Variants in BANK1 observed in about 807,000 individuals in gnomAD.
The protein encoded by BANK1 is B-cell scaffold protein with ankyrin repeats.
In BANK1, 95 loss-of-function variants were observed where a neutral mutation model predicts 94.5. That is an observed-to-expected ratio of 1.00 (90% CI 0.85 to 1.19). The LOEUF (loss-of-function observed/expected upper bound fraction) is 1.19. BANK1 is among the 50% of genes most tolerant of loss of function. The probability of loss-of-function intolerance (pLI) is 0.00; values close to 1 mark genes in which losing one functional copy is unlikely to be tolerated. For missense variants in BANK1, 987 were observed against 932.2 expected (o/e 1.06, Z -0.77); for synonymous variants, 334 against 308.4 (o/e 1.08, Z -0.87).
chr4:102,009,607 G>GT (rs1471207938), intron 7 of BANK1, among the ~76,000 whole-genome samples: 2 of 151,972 alleles, frequency 1.3e-5, no homozygotes, highest in Non-Finnish European at 1.5e-5. Context: ...TTTCCTTATT[G>GT]TTTGGCCACT....
rs758665686 is a variant in BANK1 at position 101,862,663 on chromosome 4, A to G, written c.762A>G (p.Leu254=). 16 of 1,598,048 alleles carry G rather than the reference A, an allele frequency of 1.0e-5. No individual in the cohort carries two copies. The Admixed American group carries it at 2.7e-4, about 27-fold the overall frequency. Reference sequence around the variant, plus strand: ...AGAAAGTCTGGTGCATGAAAGCTTTAGGTAAGAATGTTTATGATTTAATAA... The same window carrying G: ...AGAAAGTCTGGTGCATGAAAGCTTTGGGTAAGAATGTTTATGATTTAATAA... The part of the protein sequence containing the change: ...WNKKVWCMKA[L]EFPAGSVHVN... Residue 254 remains leucine (L), a splice_region_variant and synonymous_variant, in exon 4 of 17, where the codon TTA becomes TTG. Transcript: ENST00000322953.
intron 10 of BANK1, among the ~76,000 whole-genome samples, chr4:102,035,444 T>C (rs935376575): frequency 1.3e-5 from 2 of 151,788 alleles, no homozygotes; most frequent in Non-Finnish European, 2.9e-5. Context: ...GTCAGGAGAG[T>C]GAGACCATCC....
At chr4:102,026,862 TTGAAGGCTCTCTA>T (rs1727124178) in intron 9 of BANK1, among the ~76,000 whole-genome samples, 1 of 151,452 alleles carries the variant, frequency 6.6e-6, no homozygotes, top group African/African-American at 2.4e-5. Flanking sequence ...ATTTGTGTCA[TTGAAGGCTCTCTA>T]TGAAGACCCA....
At chr4:102,029,462 A>G (rs1727211523) in intron 9 of BANK1, among the ~76,000 whole-genome samples, 1 of 150,862 alleles carries the variant, frequency 6.6e-6, no homozygotes, top group Non-Finnish European at 1.5e-5. Flanking sequence ...AGTTTCAGAC[A>G]TAGATTTATA....
chr4:101,850,032 G>A lies in BANK1; in HGVS notation c.470-5003G>A, dbSNP rs145546073. ...ACAGTTTCTCACTCACAGAATATAA[G>A]AGCTGTCTACAAATAGTTTTAAATG... On this transcript the variant is annotated intron_variant, in intron 2 of 16. Coordinates refer to ENST00000322953, the MANE Select transcript of BANK1 (RefSeq NM_017935.5). Among the ~76,000 whole-genome samples, 622 of 152,278 alleles carry A rather than the reference G, an allele frequency of 4.1e-3. 4 individuals are homozygous for A. Among genetic ancestry groups the A allele is most frequent in the African/African-American group, 0.014 (564 of 41,564 alleles).
At chr4:101,958,899 TAGATGATCA>T (rs1724465534) in intron 7 of BANK1, among the ~76,000 whole-genome samples, 1 of 152,172 alleles carries the variant, frequency 6.6e-6, no homozygotes, top group African/African-American at 2.4e-5. Context: ...GCTGAGAATA[TAGATGATCA>T]AGTATTTGAG....
chr4:101,967,451 C>T (rs542956734), intron 7 of BANK1, among the ~76,000 whole-genome samples: 1 of 151,896 alleles, frequency 6.6e-6, no homozygotes, highest in Admixed American at 6.6e-5. Flanking sequence ...AGGTACAGAG[C>T]AGCACATAAA....
intron 11 of BANK1, among the ~76,000 whole-genome samples, chr4:102,056,105 T>C (rs887543589): frequency 2.6e-5 from 4 of 152,216 alleles, no homozygotes; most frequent in Non-Finnish European, 4.4e-5. Flanking sequence ...AAAGCTTGTG[T>C]ACTTATTTGA....
chr4:101,986,843 GTGTATATATA>G, intron 7 of BANK1, among the ~76,000 whole-genome samples: 1 of 50,940 alleles, frequency 2.0e-5, no homozygotes, highest in East Asian at 4.5e-4. Context: ...GTATATATAT[GTGTATATATA>G]TGTATATATA....
chr4:101,934,949 G>A (rs1355459347), intron 7 of BANK1, among the ~76,000 whole-genome samples: 1 of 151,378 alleles, frequency 6.6e-6, no homozygotes, highest in Non-Finnish European at 1.5e-5. Flanking sequence ...TCTTCATGAG[G>A]TCTCCTCTGA....
chr4:101,852,907 A>T (rs558397747), intron 2 of BANK1, among the ~76,000 whole-genome samples: 4 of 152,144 alleles, frequency 2.6e-5, no homozygotes, highest in Non-Finnish European at 4.4e-5. Flanking sequence ...AATCCTGGAT[A>T]CTGCCATGGT....
At chr4:101,796,113 CAGTT>C (rs1375725869) in intron 1 of BANK1, among the ~76,000 whole-genome samples, 4 of 152,270 alleles carry the variant, frequency 2.6e-5, no homozygotes, top group East Asian at 1.9e-4. Context: ...TTTAAGATGA[CAGTT>C]AGTTGCCTCA....
intron 2 of BANK1, among the ~76,000 whole-genome samples, chr4:101,847,762 CACACACACACACAT>C (rs1163224408): frequency 6.7e-6 from 1 of 148,408 alleles, no homozygotes; most frequent in Admixed American, 6.7e-5. Flanking sequence ...CACACACACA[CACACACACACACAT>C]ATGTCTCACA....
rs148623980 is a variant in BANK1 at position 101,873,147 on chromosome 4, G to A, written c.903+2503G>A. On this transcript the variant is annotated intron_variant, in intron 5 of 16. Coordinates refer to ENST00000322953, the MANE Select transcript of BANK1 (RefSeq NM_017935.5). ...TTTAAGAAATGTGAATATTTTGCCC[G>A]TGGTTCACTCTGAACATCTGTATTG... is the stretch of plus-strand genomic sequence containing the variant. Among the ~76,000 whole-genome samples, 77 of 151,998 alleles carry A rather than the reference G, an allele frequency of 5.1e-4. 1 individual carries two copies. The highest frequency in any genetic ancestry group is 6.8e-3 in the Middle Eastern group (2 of 294).
chr4:101,992,301 TA>T (rs541141502), intron 7 of BANK1, among the ~76,000 whole-genome samples: 1 of 152,286 alleles, frequency 6.6e-6, no homozygotes, highest in Middle Eastern at 3.4e-3. Context: ...TAAAATCAAC[TA>T]TGAATATAAT....
At chr4:101,904,009 A>G (rs765783591) in intron 6 of BANK1, among the ~76,000 whole-genome samples, 14 of 152,344 alleles carry the variant, frequency 9.2e-5, no homozygotes, top group Non-Finnish European at 1.9e-4. Flanking sequence ...ATTTTTTATG[A>G]GTAGGTTCAA....
intron 8 of BANK1, among the ~76,000 whole-genome samples, chr4:102,022,903 G>A (rs536154419): frequency 6.6e-6 from 1 of 152,108 alleles, no homozygotes; most frequent in South Asian, 2.1e-4. Context: ...TATTCCTTCT[G>A]TACACTTTCT....
At chr4:102,062,399 A>T (rs183440660) in intron 12 of BANK1, 1 of 152,382 alleles carries the variant, frequency 6.6e-6, no homozygotes, top group East Asian at 1.9e-4. Flanking sequence ...CAATGGAAAC[A>T]ATTAAATAGG....
intron 5 of BANK1, among the ~76,000 whole-genome samples, chr4:101,880,356 A>G (rs1014538975): frequency 2.6e-5 from 4 of 152,088 alleles, no homozygotes; most frequent in Admixed American, 2.0e-4. Context: ...AATAAAATTA[A>G]GTACCTAGGA....
Sources: allele counts gnomAD v4.1 joint callset (sites outside exome capture counted in the v4.1 genomes callset), GRCh38; gene constraint gnomAD v4.1.1; transcripts MANE v1.5; gene names NCBI Gene and HGNC (gene_info 2026-07-23, HGNC 2026-07-21).